The following PDPK1 variants were observed in gnomAD, a reference collection of about 807,000 sequenced individuals.
PDPK1 encodes the protein 3-phosphoinositide dependent protein kinase 1, also known as 3-phosphoinositide-dependent protein kinase 1.
In PDPK1, 7 loss-of-function variants were observed where a neutral mutation model predicts 39.8. That is an observed-to-expected ratio of 0.18 (90% CI 0.10 to 0.33). The LOEUF is 0.33. PDPK1 is among the 10% of genes least tolerant of loss of function. The pLI, the probability that PDPK1 is intolerant of heterozygous loss-of-function variation, is 1.00. For synonymous variants in PDPK1, 118 were observed against 159.1 expected, an observed-to-expected ratio of 0.74 and a Z score of 1.95; for missense variants, 182 against 384.7, an observed-to-expected ratio of 0.47 and a Z score of 4.41.
At chr16:2,558,534 T>C (rs1172250349) in intron 2 of PDPK1, among the ~76,000 whole-genome samples, 1 of 150,380 alleles carries the variant, frequency 6.6e-6, no homozygotes, top group African/African-American at 2.5e-5. Context: ...TTGTTACCTG[T>C]CTTCGGGGTG....
chr16:2,591,813 A>G (rs1184276587), intron 11 of PDPK1, among the ~76,000 whole-genome samples: 2 of 152,276 alleles, frequency 1.3e-5, no homozygotes, highest in Non-Finnish European at 2.9e-5. Flanking sequence ...AAAGTAATGT[A>G]TGTTAATAGT....
chr16:2,591,736 A>G (rs2066994088), intron 11 of PDPK1, among the ~76,000 whole-genome samples: 1 of 152,240 alleles, frequency 6.6e-6, no homozygotes, highest in South Asian at 2.1e-4. Context: ...AGGCCTGTGC[A>G]GCGCACAGAG....
At chr16:2,596,985 T>G (rs1171831786) in intron 12 of PDPK1, 138 bp from the exon 13 acceptor site, 1 of 506,778 alleles carries the variant, frequency 2.0e-6, no homozygotes, top group Non-Finnish European at 3.4e-6. Flanking sequence ...GGAAGTCCCC[T>G]GCCCCTGGGT....
At position 2,597,908 on chromosome 16, in the gene PDPK1, A is replaced by G. The variant is rs2067136387; in HGVS notation, c.*141A>G. 5.1e-6 allele frequency: 3 copies of G among 592,162 alleles called. No homozygotes were observed. Among genetic ancestry groups the G allele is most frequent in the Non-Finnish European group, 9.0e-6 (3 of 333,592 alleles). The allele number at this position is 592,162 out of a possible 1,614,324, so 36.7% of individuals were successfully genotyped here. On this transcript the variant is annotated 3_prime_UTR_variant, in exon 14 of 14. Coordinates refer to ENST00000342085, the MANE Select transcript of PDPK1 (RefSeq NM_002613.5). This position sits in a 1 kb window ranked among gnomAD's most constrained non-coding sequence, Gnocchi z 6.3. Reference sequence around the variant, plus strand: ...CGGAAACCTTGCAGCATTTTTATTTAAAAGAAAAGAAGAAAAAAAACACCC... The same window carrying G: ...CGGAAACCTTGCAGCATTTTTATTTGAAAGAAAAGAAGAAAAAAAACACCC...
intron 1 of PDPK1, among the ~76,000 whole-genome samples, chr16:2,545,039 T>C (rs2066314658): frequency 7.5e-6 from 1 of 133,774 alleles, no homozygotes; most frequent in Non-Finnish European, 1.6e-5. Flanking sequence ...TAACATTGCA[T>C]TTTTTTTTTT....
rs1446601314 is a variant in PDPK1 at position 2,597,235 on chromosome 16, G to T, written c.1514G>T (p.Arg505Leu). The T allele has an allele frequency of 6.3e-7, 1 of 1,596,272 alleles. No individual in the cohort carries two copies. Among genetic ancestry groups the T allele is most frequent in the South Asian group, 1.1e-5 (1 of 90,282 alleles). ...GAAATTCCTTGGTCACAAGAACTTC[G>T]ACCAGAGGCCAAGAATTTTAAAACT... is the stretch of plus-strand genomic sequence containing the variant. ...KGEIPWSQEL[R>L]PEAKNFKTFF... The change falls in exon 13 of 14, where the codon CGA becomes CTA. Residue 505 changes from arginine (R) to leucine (L), a missense_variant. By Grantham distance (102) the Arg-to-Leu change is moderately radical (BLOSUM62 -2). This residue lies in a region of PDPK1 where 67 missense variants were observed against 87.8 expected (regional missense o/e 0.76). Transcript: ENST00000342085. This position sits in a 1 kb window ranked among gnomAD's most constrained non-coding sequence, Gnocchi z 6.3.
At chr16:2,545,131 G>T (rs2066317235) in intron 1 of PDPK1, among the ~76,000 whole-genome samples, 1 of 150,916 alleles carries the variant, frequency 6.6e-6, no homozygotes, top group South Asian at 2.1e-4. Context: ...CCGCCTTCTG[G>T]GTTCAAGTGA....
chr16:2,546,294 G>A (rs534101293), intron 1 of PDPK1, among the ~76,000 whole-genome samples: 2 of 151,636 alleles, frequency 1.3e-5, no homozygotes, highest in East Asian at 1.9e-4. Context: ...ATCTTGGTTA[G>A]GCTAATCTTG....
At chr16:2,588,778 AGT>A (rs777976239) in intron 11 of PDPK1, among the ~76,000 whole-genome samples, 4 of 151,984 alleles carry the variant, frequency 2.6e-5, no homozygotes, top group African/African-American at 4.8e-5. Flanking sequence ...TTGCATTCTC[AGT>A]GTGTGGCCAC....
At chr16:2,576,971 C>A (rs1409953073) in intron 6 of PDPK1, 2 of 227,886 alleles carry the variant, frequency 8.8e-6, no homozygotes, top group Non-Finnish European at 8.5e-6. Context: ...CACAGCTCCT[C>A]TGTGGAGGAA....
At chr16:2,592,783 G>A (rs184697131) in intron 11 of PDPK1, 16 of 455,406 alleles carry the variant, frequency 3.5e-5, no homozygotes, top group Middle Eastern at 4.9e-4. Context: ...TCTAGATGCC[G>A]CCAGTGGAGC....
Position 2,601,975 on chromosome 16 carries a change from C to T in PDPK1, c.*4208C>T, listed in dbSNP as rs929385645. ...AGGCACCGTGTTCAGTGCTGCTTCA[C>T]TCTACCAGAGATTATGGCCAAATTG... On this transcript the variant is annotated 3_prime_UTR_variant, in exon 14 of 14. Transcript: ENST00000342085. 1.3e-5 allele frequency: 3 copies of T among 233,614 alleles called. No homozygotes were observed. The highest frequency in any genetic ancestry group is 6.7e-5 in the African/African-American group (3 of 45,080). The allele number at this position is 233,614 out of a possible 1,614,324, so 14.5% of individuals were successfully genotyped here.
chr16:2,538,571 G>T (rs1386053630), intron 1 of PDPK1: 1 of 1,245,738 alleles, frequency 8.0e-7, no homozygotes, highest in Admixed American at 2.3e-5. Context: ...AGCAGAAGGT[G>T]CAAGTTCTTG....
chr16:2,589,731 A>T (rs1352178989), intron 11 of PDPK1, among the ~76,000 whole-genome samples: 1 of 151,956 alleles, frequency 6.6e-6, no homozygotes, highest in Non-Finnish European at 1.5e-5. Context: ...AGGAATTTTT[A>T]AATTTACATG....
intron 11 of PDPK1, chr16:2,592,674 T>G: frequency 2.7e-6 from 1 of 376,552 alleles, no homozygotes; most frequent in Non-Finnish European, 5.3e-6. Context: ...GACTCTGTCT[T>G]AAAAAAAAAA....
rs1298897967 is a variant in PDPK1 at position 2,593,187 on chromosome 16, C to T, written c.1344-2606C>T. 1 of 423,752 alleles carries T rather than the reference C, an allele frequency of 2.4e-6. No individual in the cohort carries two copies. Among genetic ancestry groups the T allele is most frequent in the Non-Finnish European group, 4.7e-6 (1 of 214,118 alleles). The allele number at this position is 423,752 out of a possible 1,614,324, so 26.2% of individuals were successfully genotyped here. A position where few individuals can be genotyped will look rare whatever the true frequency, so the allele number is the denominator to read the frequency against. ...CCCAGATGATCAGGGTGGAGCGGCC[C>T]AGCTCAATGTCTTCATTTAGGGCCA... On this transcript the variant is annotated intron_variant, in intron 11 of 13. Coordinates refer to ENST00000342085, the MANE Select transcript of PDPK1 (RefSeq NM_002613.5). This position sits in a 1 kb window ranked among gnomAD's most constrained non-coding sequence, Gnocchi z 4.2.
chr16:2,573,800 T>A (rs1389835497), intron 6 of PDPK1, among the ~76,000 whole-genome samples: 1 of 122,216 alleles, frequency 8.2e-6, no homozygotes, highest in East Asian at 2.2e-4. Flanking sequence ...TGTTTTTATT[T>A]TTTTTTTTTT....
rs1304587695 is a variant in PDPK1, at chr16:2,602,210, G to A, written c.*4443G>A. 7 of 234,368 alleles carry A rather than the reference G, an allele frequency of 3.0e-5. No individual in the cohort carries two copies. Among genetic ancestry groups the A allele is most frequent in the Non-Finnish European group, 5.9e-5 (7 of 118,058 alleles). 14.5% of individuals were successfully genotyped at this position (234,368 alleles called of 1,614,324 possible). On this transcript the variant is annotated 3_prime_UTR_variant, in exon 14 of 14. Transcript: ENST00000342085. ...AGCCTATGTTGACTCACTGGGTGGGGGTCCCTTCTTACGCAGCACACGTGG... is the reference window on the plus strand; with the variant it reads ...AGCCTATGTTGACTCACTGGGTGGGAGTCCCTTCTTACGCAGCACACGTGG...
In PDPK1 at chr16:2,598,423, G is replaced by T. The variant is rs983442247; in HGVS notation, c.*656G>T. ...TTGGCAGGCAGGTTTGCGTGGTGAGGAGCGGGAGGGGTTGGAGTGGTGCGG... is the reference window on the plus strand; with the variant it reads ...TTGGCAGGCAGGTTTGCGTGGTGAGTAGCGGGAGGGGTTGGAGTGGTGCGG... On this transcript the variant is annotated 3_prime_UTR_variant, in exon 14 of 14. Coordinates refer to ENST00000342085, the MANE Select transcript of PDPK1 (RefSeq NM_002613.5). 7 of 234,612 alleles carry T rather than the reference G, an allele frequency of 3.0e-5. No homozygotes were observed. Among genetic ancestry groups the T allele is most frequent in the African/African-American group, 1.5e-4 (7 of 45,388 alleles). The allele number at this position is 234,612 out of a possible 1,614,324, so 14.5% of individuals were successfully genotyped here.
Sources: allele counts gnomAD v4.1 joint callset (sites outside exome capture counted in the v4.1 genomes callset), GRCh38; gene constraint gnomAD v4.1.1; regional missense constraint gnomAD v4.1.1; non-coding constraint Gnocchi (gnomAD v3.1); transcripts MANE v1.5; gene names NCBI Gene and HGNC (gene_info 2026-07-23, HGNC 2026-07-21).